The following ADAM10 variants were observed in gnomAD, a reference collection of about 807,000 sequenced individuals.
The protein encoded by ADAM10 is disintegrin and metalloproteinase domain-containing protein 10.
ADAM10 carries 17 observed loss-of-function variants against 90.1 expected under a neutral mutation model. That is an observed-to-expected ratio of 0.19 (90% CI 0.13 to 0.28). ADAM10 has a LOEUF of 0.28. Among genes scored for constraint, ADAM10 ranks in the 10% least tolerant of loss-of-function variants. The probability of loss-of-function intolerance (pLI) is 1.00; values close to 1 mark genes in which losing one functional copy is unlikely to be tolerated. For missense variants in ADAM10, 610 were observed against 914.3 expected (o/e 0.67, Z 4.29); for synonymous variants, 310 against 298.6 (o/e 1.04, Z -0.40).
rs182107848 is a variant in ADAM10 at position 58,702,509 on chromosome 15, C to T, written c.206+15068G>A. Among the ~76,000 whole-genome samples the T allele has an allele frequency of 3.7e-3, 564 of 152,138 alleles. 5 individuals are homozygous for T. The highest frequency in any genetic ancestry group is 0.013 in the African/African-American group (522 of 41,482). On this transcript the variant is annotated intron_variant, in intron 2 of 15. Transcript: ENST00000260408. The stretch of plus-strand genomic sequence containing the variant: ...AACGAATACTTGAGGTGATGGACAC[C>T]CTAAATGCTATGAATTGATCATTTC...
At chr15:58,714,897 T>A (rs1249884182) in intron 2 of ADAM10, among the ~76,000 whole-genome samples, 2 of 152,080 alleles carry the variant, frequency 1.3e-5, no homozygotes, top group Non-Finnish European at 2.9e-5. Context: ...ACTACTCCAG[T>A]CATTTTGTAG....
Position 58,646,086 on chromosome 15 carries a change from T to C in ADAM10, c.704A>G (p.Tyr235Cys). 1 of 1,613,710 alleles carries C rather than the reference T, an allele frequency of 6.2e-7. No individual in the cohort carries two copies. The highest frequency in any genetic ancestry group is 8.5e-7 in the Non-Finnish European group (1 of 1,179,790). Residue 235 changes from tyrosine (Y) to cysteine (C), a missense_variant, in exon 6 of 16, where the codon TAT becomes TGT. Coordinates refer to ENST00000260408, the MANE Select transcript of ADAM10 (RefSeq NM_001110.4). ...YIQTDHLFFK[Y>C]YGTREAVIAQ... ...AATCACAGCTTCTCGTGTTCCGTAA[T>C]ATTTAAAGAACAAATGATCAGTCTG...
rs1894827809 is a variant in ADAM10, at chr15:58,591,742, C to T, written c.*5805G>A. On this transcript the variant is annotated 3_prime_UTR_variant, in exon 16 of 16. Transcript: ENST00000260408. The stretch of plus-strand genomic sequence containing the variant: ...CCTTATTTTTAAGCAAAAACTTATA[C>T]ATCGTATCATTTCATTTTTTAAGTG... 1 of 152,244 alleles carries T rather than the reference C, an allele frequency of 6.6e-6. No individual in the cohort carries two copies. The allele number at this position is 152,244 out of a possible 1,614,324, so 9.4% of individuals were successfully genotyped here. A position where few individuals can be genotyped will look rare whatever the true frequency, so the allele number is the denominator to read the frequency against.
intron 1 of ADAM10, among the ~76,000 whole-genome samples, chr15:58,740,571 T>C (rs1899579026): frequency 1.3e-5 from 2 of 152,188 alleles, no homozygotes; most frequent in African/African-American, 4.8e-5. Flanking sequence ...TTGTATTTAT[T>C]TATTTATTTT....
chr15:58,741,978 C>T (rs1235822792), intron 1 of ADAM10, among the ~76,000 whole-genome samples: 1 of 152,168 alleles, frequency 6.6e-6, no homozygotes, highest in Non-Finnish European at 1.5e-5. Context: ...TCTCTTCCAC[C>T]TCAGAAAGCC....
chr15:58,733,611 G>C (rs1257905719), intron 1 of ADAM10, among the ~76,000 whole-genome samples: 1 of 152,112 alleles, frequency 6.6e-6, no homozygotes, highest in Non-Finnish European at 1.5e-5. Context: ...AGGGACTTGA[G>C]CATTCATGGA....
chr15:58,684,381 C>T (rs1897529997), intron 2 of ADAM10, among the ~76,000 whole-genome samples: 1 of 152,086 alleles, frequency 6.6e-6, no homozygotes, highest in Admixed American at 6.6e-5. Context: ...TAGAGTGGGG[C>T]CCCTAGATGA....
intron 4 of ADAM10, among the ~76,000 whole-genome samples, chr15:58,673,909 T>A (rs779863102): frequency 1.3e-5 from 2 of 152,276 alleles, no homozygotes; most frequent in Non-Finnish European, 2.9e-5. Flanking sequence ...TAACTTTTTG[T>A]ATTTTTAGTA....
intron 5 of ADAM10, among the ~76,000 whole-genome samples, chr15:58,661,981 C>T (rs1387681009): frequency 6.6e-6 from 1 of 152,108 alleles, no homozygotes; most frequent in African/African-American, 2.4e-5. Context: ...ATTCTTTGAA[C>T]ATACTAATAA....
At chr15:58,733,166 C>G (rs1899313893) in intron 1 of ADAM10, 1 of 152,242 alleles carries the variant, frequency 6.6e-6, no homozygotes, top group Non-Finnish European at 1.5e-5. Flanking sequence ...GATGTTGTCT[C>G]ATTGTTCAAA....
chr15:58,639,569 C>A (rs1896358931), intron 8 of ADAM10, among the ~76,000 whole-genome samples: 1 of 151,824 alleles, frequency 6.6e-6, no homozygotes, highest in Non-Finnish European at 1.5e-5. Context: ...CTGACTAATC[C>A]AAGTAACAAA....
intron 5 of ADAM10, among the ~76,000 whole-genome samples, chr15:58,649,818 T>C (rs1896642115): frequency 6.6e-6 from 1 of 152,182 alleles, no homozygotes; most frequent in Non-Finnish European, 1.5e-5. Context: ...GAATGTGTTG[T>C]TTGATATCTC....
At chr15:58,642,362 G>A (rs1896437866) in intron 7 of ADAM10, among the ~76,000 whole-genome samples, 1 of 152,076 alleles carries the variant, frequency 6.6e-6, no homozygotes, top group Admixed American at 6.5e-5. Context: ...CTACTCGGGA[G>A]GCTGAGGTGG....
At chr15:58,701,527 A>G (rs1385612176) in intron 2 of ADAM10, among the ~76,000 whole-genome samples, 1 of 152,232 alleles carries the variant, frequency 6.6e-6, no homozygotes, top group Non-Finnish European at 1.5e-5. Context: ...ACTCTTCTAT[A>G]CTGTTGATAG....
intron 10 of ADAM10, among the ~76,000 whole-genome samples, chr15:58,625,832 C>T (rs764369158): frequency 6.6e-6 from 1 of 152,016 alleles, no homozygotes; most frequent in African/African-American, 2.4e-5. Flanking sequence ...TAAAAAAGAA[C>T]GAACTATTGA....
chr15:58,744,782 G>A (rs1373345361), intron 1 of ADAM10, among the ~76,000 whole-genome samples: 1 of 152,206 alleles, frequency 6.6e-6, no homozygotes, highest in Non-Finnish European at 1.5e-5. Flanking sequence ...GGCCAGGGTT[G>A]GAGAATTGCT....
chr15:58,638,066 G>A (rs187447568), intron 8 of ADAM10, among the ~76,000 whole-genome samples: 2 of 152,172 alleles, frequency 1.3e-5, no homozygotes, highest in Non-Finnish European at 1.5e-5. Flanking sequence ...AAGGAACAAA[G>A]ATCCCTTTTC....
At chr15:58,675,885 A>G (rs748137417) in intron 4 of ADAM10, among the ~76,000 whole-genome samples, 1 of 152,136 alleles carries the variant, frequency 6.6e-6, no homozygotes, top group Non-Finnish European at 1.5e-5. Flanking sequence ...CTCCCCTACC[A>G]TTTGCTTCTT....
At chr15:58,653,736 T>G (rs574629764) in intron 5 of ADAM10, among the ~76,000 whole-genome samples, 2 of 152,344 alleles carry the variant, frequency 1.3e-5, no homozygotes, top group East Asian at 3.9e-4. Flanking sequence ...TAGAATGAGT[T>G]TGAAGTTTTC....
Sources: allele counts gnomAD v4.1 joint callset (sites outside exome capture counted in the v4.1 genomes callset), GRCh38; gene constraint gnomAD v4.1.1; transcripts MANE v1.5; gene names NCBI Gene and HGNC (gene_info 2026-07-23, HGNC 2026-07-21).